RB1: variants seen among roughly 807,000 people sequenced by gnomAD.
The protein encoded by RB1 is retinoblastoma-associated protein.
In RB1, 18 loss-of-function variants were observed where a neutral mutation model predicts 135.4. The observed-to-expected ratio is 0.13, with a 90% confidence interval of 0.09 to 0.20. The LOEUF (loss-of-function observed/expected upper bound fraction) is 0.20, where lower values mean the gene tolerates loss of function less well. Among genes scored for constraint, RB1 ranks in the 10% least tolerant of loss-of-function variants. The pLI, the probability that RB1 is intolerant of heterozygous loss-of-function variation, is 1.00. For missense variants in RB1, 868 were observed against 1,110.0 expected, an observed-to-expected ratio of 0.78 and a Z score of 3.10; for synonymous variants, 365 against 373.2, an observed-to-expected ratio of 0.98 and a Z score of 0.25.
chr13:48,370,027 T>A (rs934924198), intron 11 of RB1, among the ~76,000 whole-genome samples: 1 of 152,216 alleles, frequency 6.6e-6, no homozygotes, highest in Non-Finnish European at 1.5e-5. Context: ...ACTGTATAGA[T>A]ATGTAAATGG....
chr13:48,463,605 A>G (rs2138341942), intron 20 of RB1, 126 bp from the exon 21 acceptor site: 1 of 675,694 alleles, frequency 1.5e-6, no homozygotes, highest in East Asian at 2.7e-5. Context: ...TGAGCTCAGT[A>G]TGGAAAGAAA....
At chr13:48,342,528 T>C in intron 2 of RB1, 71 bp from the exon 3 acceptor site, 1 of 956,294 alleles carries the variant, frequency 1.0e-6, no homozygotes, top group Non-Finnish European at 1.7e-6. Context: ...TCAGTTATAA[T>C]ACAGTTTTAA....
chr13:48,361,877 A>G (rs1173101829), intron 7 of RB1, among the ~76,000 whole-genome samples: 1 of 150,138 alleles, frequency 6.7e-6, no homozygotes, highest in Non-Finnish European at 1.5e-5. Flanking sequence ...CTGTCCTCTC[A>G]ATTTCTTGTA....
At chr13:48,466,172 A>T (rs1949442412) in intron 23 of RB1, among the ~76,000 whole-genome samples, 2 of 135,890 alleles carry the variant, frequency 1.5e-5, no homozygotes, top group Admixed American at 7.5e-5. Flanking sequence ...GACAGCTTTG[A>T]AGAGAGCAGT....
chr13:48,394,115 G>T (rs1034593622), intron 17 of RB1, among the ~76,000 whole-genome samples: 1 of 152,184 alleles, frequency 6.6e-6, no homozygotes, highest in African/African-American at 2.4e-5. Flanking sequence ...GCTGAAGCAG[G>T]ATGGGGCATC....
At chr13:48,387,827 C>T (rs74075993) in intron 17 of RB1, among the ~76,000 whole-genome samples, 6,305 of 151,976 alleles carry the variant, frequency 0.041, 347 homozygotes, top group East Asian at 0.13. Context: ...TTTTGGGGTC[C>T]TTAGTAATTT....
At chr13:48,333,103 T>A (rs1203404814) in intron 2 of RB1, 1 of 398,248 alleles carries the variant, frequency 2.5e-6, no homozygotes, top group Non-Finnish European at 4.4e-6. Context: ...GAATGACTGA[T>A]GTAATCACTT....
At chr13:48,448,172 T>G (rs181483681) in intron 17 of RB1, among the ~76,000 whole-genome samples, 196 of 152,350 alleles carry the variant, frequency 1.3e-3, no homozygotes, top group Non-Finnish European at 2.5e-3. Context: ...TATAACAGTA[T>G]GTGTATTAGC....
At chr13:48,371,207 G>A (rs1952754815) in intron 11 of RB1, among the ~76,000 whole-genome samples, 1 of 152,172 alleles carries the variant, frequency 6.6e-6, no homozygotes. Context: ...ATGTTAAGCA[G>A]GGGTAAGGAT....
In RB1 at chr13:48,373,507, A is replaced by G. The variant is rs1367804076; in HGVS notation, c.1215+15A>G. The G allele has an allele frequency of 6.8e-7, 1 of 1,477,370 alleles. No homozygotes were observed. Among genetic ancestry groups the G allele is most frequent in the Non-Finnish European group, 9.5e-7 (1 of 1,056,438 alleles). 91.5% of individuals were successfully genotyped at this position (1,477,370 alleles called of 1,614,324 possible). On this transcript the variant is annotated intron_variant, in intron 12 of 26. Coordinates refer to ENST00000267163, the MANE Select transcript of RB1 (RefSeq NM_000321.3). ...CCTATTTTAACGTAAGCCATATATG[A>G]AACATTATTTATTGTAATATCTTGG...
At chr13:48,380,811 T>C (rs186406888) in intron 16 of RB1, among the ~76,000 whole-genome samples, 112 of 152,226 alleles carry the variant, frequency 7.4e-4, no homozygotes, top group African/African-American at 2.6e-3. Context: ...AGTAAACAGA[T>C]AAGGAAAACT....
At chr13:48,448,510 G>A (rs971463421) in intron 17 of RB1, among the ~76,000 whole-genome samples, 1 of 152,104 alleles carries the variant, frequency 6.6e-6, no homozygotes, top group African/African-American at 2.4e-5. Flanking sequence ...TTGGTCTGCT[G>A]AAACTGAAAA....
intron 17 of RB1, among the ~76,000 whole-genome samples, chr13:48,436,584 A>G (rs538359039): frequency 2.9e-4 from 44 of 152,248 alleles, no homozygotes; most frequent in Admixed American, 8.5e-4. Context: ...CGGAGGTTGC[A>G]GTGAGCCAAG....
intron 17 of RB1, among the ~76,000 whole-genome samples, chr13:48,443,407 A>G (rs557569188): frequency 2.0e-5 from 3 of 152,026 alleles, no homozygotes; most frequent in Non-Finnish European, 2.9e-5. Context: ...TTTAATATCT[A>G]TAAACTTCAA....
intron 20 of RB1, among the ~76,000 whole-genome samples, chr13:48,461,099 C>T (rs1472416759): frequency 6.6e-6 from 1 of 152,094 alleles, no homozygotes; most frequent in African/African-American, 2.4e-5. Flanking sequence ...ATACAAACAT[C>T]ACCATAATCA....
At position 48,332,432 on chromosome 13, in the gene RB1, G is replaced by A. The variant is rs867748654; in HGVS notation, c.265-10167G>A. ...AAAAATTAAAAAAAATTTTACAGGC[G>A]GTGACATGTACTTGTAGTCCCAGCT... On this transcript the variant is annotated intron_variant, in intron 2 of 26. Coordinates refer to ENST00000267163, the MANE Select transcript of RB1 (RefSeq NM_000321.3). Among the ~76,000 whole-genome samples, 8 of 152,168 alleles carry A rather than the reference G, an allele frequency of 5.3e-5. No homozygotes were observed. In the East Asian group the frequency reaches 7.7e-4, roughly 15 times the overall value.
Position 48,480,451 on chromosome 13 carries a change from G to C in RB1, c.*380G>C, listed in dbSNP as rs1239844898. ...TAGCATATAGGTGATGTTTGCTCTT[G>C]TTTTTATTAATTTATATGTATATTT... is the stretch of plus-strand genomic sequence containing the variant. On this transcript the variant is annotated 3_prime_UTR_variant, in exon 27 of 27. Transcript: ENST00000267163. 4.1e-6 allele frequency: 1 copy of C among 245,682 alleles called. No individual in the cohort carries two copies. Among genetic ancestry groups the C allele is most frequent in the Non-Finnish European group, 8.0e-6 (1 of 125,564 alleles). The allele number at this position is 245,682 out of a possible 1,614,324, so 15.2% of individuals were successfully genotyped here.
chr13:48,367,683 T>G, intron 10 of RB1, 80 bp downstream of exon 10: 1 of 1,463,840 alleles, frequency 6.8e-7, no homozygotes, highest in South Asian at 1.2e-5. Context: ...AGTCTTTAGC[T>G]TAGTGACCTT....
chr13:48,321,813 G>A (rs1203163094), intron 2 of RB1, among the ~76,000 whole-genome samples: 6 of 152,072 alleles, frequency 3.9e-5, no homozygotes, highest in South Asian at 4.1e-4. Context: ...CCAAGGTTGC[G>A]CCATTGCACT....
Sources: allele counts gnomAD v4.1 joint callset (sites outside exome capture counted in the v4.1 genomes callset), GRCh38; gene constraint gnomAD v4.1.1; transcripts MANE v1.5; gene names NCBI Gene and HGNC (gene_info 2026-07-23, HGNC 2026-07-21).